CDS2: variants seen among roughly 807,000 people sequenced by gnomAD.
CDS2 encodes CDP-diacylglycerol synthase 2, also known as phosphatidate cytidylyltransferase 2.
A neutral mutation model predicts 59.0 loss-of-function variants in CDS2; 47 were observed. The observed-to-expected ratio is 0.80, with a 90% CI of 0.63 to 1.02. The LOEUF (loss-of-function observed/expected upper bound fraction) is 1.02. Ranked by LOEUF, CDS2 falls within the 50% of genes least tolerant of loss-of-function variation. CDS2 has a pLI of 0.00. For synonymous variants in CDS2, 207 were observed against 206.4 expected (o/e 1.00, Z -0.02); for missense variants, 356 against 558.9 (o/e 0.64, Z 3.66).
At position 5,162,047 on chromosome 20, in the gene CDS2, T is replaced by C. The variant is rs1486115216; in HGVS notation, c.58-11476T>C. ...AAATGCCTGTTCGTGAACCTATCACTGTGGCAGAGGGGCAGAATTAAAAAT... is the reference window on the plus strand; with the variant it reads ...AAATGCCTGTTCGTGAACCTATCACCGTGGCAGAGGGGCAGAATTAAAAAT... On this transcript the variant is annotated intron_variant, in intron 1 of 12. Coordinates refer to ENST00000460006, the MANE Select transcript of CDS2 (RefSeq NM_003818.4). 2.6e-5 allele frequency among the ~76,000 whole-genome samples: 4 copies of C among 152,196 alleles called. No homozygotes were observed. The East Asian group carries it at 7.7e-4, about 29-fold the overall frequency.
intron 10 of CDS2, among the ~76,000 whole-genome samples, chr20:5,188,117 C>G (rs763186490): frequency 6.6e-6 from 1 of 151,492 alleles, no homozygotes; most frequent in African/African-American, 2.4e-5. Context: ...ATATTTGACA[C>G]GGTATAATGA....
chr20:5,197,706 T>C lies in CDS2; in HGVS notation c.*7472T>C, dbSNP rs1467324251. 4 of 152,174 alleles carry C rather than the reference T, an allele frequency of 2.6e-5. No homozygotes were observed. The highest frequency in any genetic ancestry group is 4.4e-5 in the Non-Finnish European group (3 of 68,046). 9.4% of individuals were successfully genotyped at this position (152,174 alleles called of 1,614,324 possible). ...GCTACTGCTGTGCCATTTTCCCAAC[T>C]TGGCGTTTCACTAAATGCAGCTGAT... On this transcript the variant is annotated 3_prime_UTR_variant, in exon 13 of 13. Coordinates refer to ENST00000460006, the MANE Select transcript of CDS2 (RefSeq NM_003818.4).
Position 5,182,460 on chromosome 20 carries a change from T to C in CDS2, c.588+15T>C. The C allele has an allele frequency of 6.2e-7, 1 of 1,605,156 alleles. No individual in the cohort carries two copies. ...AGTTCTACATGGTAAAGGAAATGCA[T>C]GCGTGTGTGTCAGAATTCTTGATTT... is the stretch of plus-strand genomic sequence containing the variant. On this transcript the variant is annotated intron_variant, in intron 6 of 12. Coordinates refer to ENST00000460006, the MANE Select transcript of CDS2 (RefSeq NM_003818.4).
chr20:5,185,653 A>G, intron 8 of CDS2, 105 bp from the exon 9 acceptor site: 1 of 979,596 alleles, frequency 1.0e-6, no homozygotes, highest in Non-Finnish European at 1.6e-6. Flanking sequence ...GACATGGTTA[A>G]GAGAATGGGG....
intron 1 of CDS2, among the ~76,000 whole-genome samples, chr20:5,165,796 G>T (rs4815768): frequency 0.45 from 68,556 of 151,942 alleles, 15,778 homozygotes; most frequent in South Asian, 0.6. Context: ...AAAAGATCAA[G>T]GAAAATTTGC....
chr20:5,170,117 C>T (rs144531496), intron 1 of CDS2, among the ~76,000 whole-genome samples: 114 of 152,236 alleles, frequency 7.5e-4, no homozygotes, highest in Middle Eastern at 3.4e-3. Context: ...ATTCCTTCGC[C>T]GCTGAAGACC....
In CDS2 at chr20:5,151,750, C is replaced by CTTTTTTTTT. The variant is rs57378947; in HGVS notation, c.58-21750_58-21742dup. On this transcript the variant is annotated intron_variant, in intron 1 of 12. Transcript: ENST00000460006. The stretch of plus-strand genomic sequence containing the variant: ...ACCATGCCTGGCCTAGACTCCATGT[C>CTTTTTTTTT]TTTTTTTTTTTTTTTTTTTTTTTTT... Among the ~76,000 whole-genome samples, 3 of 53,198 alleles carry CTTTTTTTTT rather than the reference C, an allele frequency of 5.6e-5. 1 individual carries two copies. The highest frequency in any genetic ancestry group is 8.8e-5 in the Non-Finnish European group (2 of 22,788). 34.9% of individuals were successfully genotyped at this position (53,198 alleles called of 152,430 possible). A position where few individuals can be genotyped will look rare whatever the true frequency, so the allele number is the denominator to read the frequency against.
intron 1 of CDS2, among the ~76,000 whole-genome samples, chr20:5,162,266 C>T (rs1289500845): frequency 6.6e-6 from 1 of 152,154 alleles, no homozygotes; most frequent in Non-Finnish European, 1.5e-5. Flanking sequence ...AGGAAATGCT[C>T]ATTGGAGCAT....
chr20:5,172,475 T>C (rs757902762), intron 1 of CDS2, among the ~76,000 whole-genome samples: 13 of 152,216 alleles, frequency 8.5e-5, no homozygotes, highest in Non-Finnish European at 1.9e-4. Flanking sequence ...TGACAGAAGA[T>C]ACCAAGTGGC....
chr20:5,183,149 A>G lies in CDS2; in HGVS notation c.671+6A>G. On this transcript the variant is annotated splice_donor_region_variant and intron_variant, in intron 7 of 12. Transcript: ENST00000460006. ...CTATTTGAAGGAATGATCTGGTGAG[A>G]ATTGGGAGTTGGATTTTCCCTTTTA... is the stretch of plus-strand genomic sequence containing the variant. The G allele has an allele frequency of 6.2e-7, 1 of 1,612,128 alleles. No individual in the cohort carries two copies. The highest frequency in any genetic ancestry group is 1.1e-5 in the South Asian group (1 of 91,026).
intron 3 of CDS2, among the ~76,000 whole-genome samples, chr20:5,175,888 T>C (rs1327630795): frequency 6.6e-6 from 1 of 152,222 alleles, no homozygotes; most frequent in Non-Finnish European, 1.5e-5. Flanking sequence ...TTTCCTGTTT[T>C]CCTGGGGCCT....
intron 1 of CDS2, among the ~76,000 whole-genome samples, chr20:5,129,767 G>A (rs2090588626): frequency 6.7e-6 from 1 of 149,806 alleles, no homozygotes; most frequent in South Asian, 2.2e-4. Context: ...TTTTAGTAGA[G>A]ATGGGGTTTC....
intron 10 of CDS2, chr20:5,187,994 T>G (rs997493133): frequency 6.6e-6 from 1 of 152,150 alleles, no homozygotes; most frequent in African/African-American, 2.4e-5. Flanking sequence ...CACTGTGAAC[T>G]TGACAGCTTC....
intron 10 of CDS2, chr20:5,187,060 T>G: frequency 1.4e-5 from 4 of 295,962 alleles, no homozygotes; most frequent in East Asian, 7.0e-5. Flanking sequence ...GTGTGTTCTG[T>G]GGATCCCTGG....
intron 1 of CDS2, among the ~76,000 whole-genome samples, chr20:5,162,895 A>G (rs910327124): frequency 6.6e-6 from 1 of 152,178 alleles, no homozygotes; most frequent in African/African-American, 2.4e-5. Context: ...TTGCCAAGAT[A>G]TATGATAAGA....
At chr20:5,148,255 G>C (rs1214002031) in intron 1 of CDS2, among the ~76,000 whole-genome samples, 2 of 152,148 alleles carry the variant, frequency 1.3e-5, no homozygotes, top group Non-Finnish European at 2.9e-5. Context: ...AGGTACCAGT[G>C]TGGCTGAGAT....
At chr20:5,176,523 G>C in intron 3 of CDS2, 125 bp from the exon 4 acceptor site, 1 of 715,714 alleles carries the variant, frequency 1.4e-6, no homozygotes, top group Non-Finnish European at 2.5e-6. Flanking sequence ...GAGGGAAGCA[G>C]AACCACTGGA....
intron 1 of CDS2, among the ~76,000 whole-genome samples, chr20:5,136,075 T>A (rs2090647493): frequency 1.3e-5 from 2 of 152,134 alleles, no homozygotes; most frequent in Non-Finnish European, 2.9e-5. Context: ...CGGGCAACAC[T>A]CTCTGCCCCT....
In CDS2 at chr20:5,197,587, C is replaced by G. The variant is rs182967855; in HGVS notation, c.*7353C>G. 6.6e-6 allele frequency: 1 copy of G among 151,314 alleles called. No individual in the cohort carries two copies. The highest frequency in any genetic ancestry group is 1.5e-5 in the Non-Finnish European group (1 of 67,942). The allele number at this position is 151,314 out of a possible 1,614,324, so 9.4% of individuals were successfully genotyped here. ...CCTGGGTGTTGATATTCACTTTACC[C>G]GCACTCAGACACAGGCGACCTTGAA... On this transcript the variant is annotated 3_prime_UTR_variant, in exon 13 of 13. Coordinates refer to ENST00000460006, the MANE Select transcript of CDS2 (RefSeq NM_003818.4).
Sources: gnomAD v4.1 joint callset for allele counts (sites outside exome capture counted in the v4.1 genomes callset) on GRCh38, gnomAD v4.1.1 for gene constraint, MANE v1.5 for transcripts, NCBI Gene and HGNC (gene_info 2026-07-23, HGNC 2026-07-21) for gene names.